The following DISP1 variants were observed in gnomAD, a reference collection of about 807,000 sequenced individuals.
The protein encoded by DISP1 is dispatched RND transporter family member 1.
In DISP1, 30 loss-of-function variants were observed where a neutral mutation model predicts 37.3. The ratio of observed to expected loss-of-function variants is 0.80; its 90% CI spans 0.60 to 1.09. The LOEUF is 1.09. DISP1 is among the 50% of genes least tolerant of loss of function. The pLI, the probability that DISP1 is intolerant of heterozygous loss-of-function variation, is 0.00. For synonymous variants in DISP1, 634 were observed against 690.2 expected, an observed-to-expected ratio of 0.92 and a Z score of 1.28; for missense variants, 1,598 against 1,879.5, an observed-to-expected ratio of 0.85 and a Z score of 2.77.
intron 1 of DISP1, among the ~76,000 whole-genome samples, chr1:222,843,621 G>C (rs1667732847): frequency 6.6e-6 from 1 of 151,974 alleles, no homozygotes; most frequent in African/African-American, 2.4e-5. Context: ...ACAAACATTT[G>C]ACTATTATTG....
At chr1:222,921,686 T>C (rs1672816790) in intron 1 of DISP1, among the ~76,000 whole-genome samples, 1 of 152,192 alleles carries the variant, frequency 6.6e-6, no homozygotes, top group African/African-American at 2.4e-5. Context: ...TACATTTCAA[T>C]ACTGTATTCT....
At chr1:222,825,342 CAT>C (rs1281840967) in intron 1 of DISP1, among the ~76,000 whole-genome samples, 2 of 151,974 alleles carry the variant, frequency 1.3e-5, no homozygotes, top group African/African-American at 4.8e-5. Context: ...TATATGAAAA[CAT>C]GTTGTATACC....
At chr1:222,988,236 A>G (rs1198991345) in intron 4 of DISP1, among the ~76,000 whole-genome samples, 1 of 152,242 alleles carries the variant, frequency 6.6e-6, no homozygotes, top group African/African-American at 2.4e-5. Flanking sequence ...GCATAGAGAA[A>G]TTAACTATAA....
chr1:222,920,516 C>G (rs1473809834), intron 1 of DISP1, among the ~76,000 whole-genome samples: 2 of 152,100 alleles, frequency 1.3e-5, no homozygotes, highest in Non-Finnish European at 2.9e-5. Context: ...GCCTTCTGTC[C>G]TCTAAAACAT....
At chr1:222,846,058 T>G (rs1344473099) in intron 1 of DISP1, among the ~76,000 whole-genome samples, 6 of 152,212 alleles carry the variant, frequency 3.9e-5, no homozygotes, top group Non-Finnish European at 7.3e-5. Flanking sequence ...TTCTAGAAAT[T>G]TTATAGTTTT....
Position 223,004,269 on chromosome 1 carries a change from GC to G in DISP1, c.2876del (p.Pro959LeufsTer40). 5.0e-6 allele frequency: 8 copies of G among 1,614,054 alleles called. No homozygotes were observed. The highest frequency in any genetic ancestry group is 6.8e-6 in the Non-Finnish European group (8 of 1,179,990). On this transcript the variant is annotated frameshift_variant, in exon 9 of 9. Transcript: ENST00000675850. LOFTEE classifies it low-confidence loss of function (END_TRUNC). This position sits in a 1 kb window ranked among gnomAD's most constrained non-coding sequence, Gnocchi z 4.9. ...GTGGATATCCAGTGAGCTGAGTTCG[GC>G]CCCTGAAGGCCTCAGCAATGGTTGG... ...DSWISSELSSAPEGLSNGWFV... is the reference protein window; with the variant it reads ...DSWISSELSSXPEGLSNGWFV...
chr1:222,943,862 C>A (rs549766163), intron 3 of DISP1, among the ~76,000 whole-genome samples: 122 of 152,208 alleles, frequency 8.0e-4, no homozygotes, highest in South Asian at 1.7e-3. Context: ...AACCCCGTCT[C>A]TACTAAAAAT....
At chr1:222,988,821 T>G (rs1375220596) in intron 4 of DISP1, among the ~76,000 whole-genome samples, 1 of 152,136 alleles carries the variant, frequency 6.6e-6, no homozygotes, top group Non-Finnish European at 1.5e-5. Flanking sequence ...GCCCAGTTAA[T>G]TTTTGCATTT....
intron 3 of DISP1, among the ~76,000 whole-genome samples, chr1:222,960,502 C>A (rs1270213036): frequency 6.6e-6 from 1 of 152,080 alleles, no homozygotes; most frequent in Non-Finnish European, 1.5e-5. Context: ...GCACTAAATG[C>A]CCACATCAGA....
intron 4 of DISP1, 134 bp from the exon 5 acceptor site, chr1:222,990,491 G>A: frequency 7.9e-7 from 1 of 1,264,818 alleles, no homozygotes; most frequent in Non-Finnish European, 1.2e-6. Context: ...CCTGTATGTA[G>A]TCTACAATAT....
chr1:222,936,488 G>A (rs1673730558), intron 2 of DISP1, among the ~76,000 whole-genome samples: 1 of 147,620 alleles, frequency 6.8e-6, no homozygotes, highest in South Asian at 2.1e-4. Context: ...TATGAACTCT[G>A]ATGACACTTT....
chr1:222,983,001 A>T, intron 3 of DISP1, 79 bp from the exon 4 acceptor site: 1 of 1,081,674 alleles, frequency 9.2e-7, no homozygotes, highest in Non-Finnish European at 1.4e-6. Context: ...TTCAACACAT[A>T]TGTAAAGCCT....
Position 222,895,243 on chromosome 1 carries a change from G to C in DISP1, c.-158-33187G>C, listed in dbSNP as rs77405960. ...GAGCCTAAGGAGATACTGTCCAGTT[G>C]AATGCTCAGCTGAAGTTATCAGGGA... On this transcript the variant is annotated intron_variant, in intron 1 of 8. Transcript: ENST00000675850. Among the ~76,000 whole-genome samples, 700 of 152,316 alleles carry C rather than the reference G, an allele frequency of 4.6e-3. 5 individuals carry two copies. Among genetic ancestry groups the C allele is most frequent in the South Asian group, 0.021 (102 of 4,824 alleles).
At chr1:222,914,002 GTTTT>G (rs34776955) in intron 1 of DISP1, among the ~76,000 whole-genome samples, 1 of 128,728 alleles carries the variant, frequency 7.8e-6, no homozygotes, top group Non-Finnish European at 1.7e-5. Context: ...TTTTTTGGTT[GTTTT>G]TTTTTTTTTT....
chr1:222,866,342 T>TTGC (rs1395046521), intron 1 of DISP1, among the ~76,000 whole-genome samples: 1 of 151,698 alleles, frequency 6.6e-6, no homozygotes, highest in Non-Finnish European at 1.5e-5. Context: ...GTTGTTGTTG[T>TTGC]TGTTGTTGTT....
chr1:222,845,026 C>T (rs922898727), intron 1 of DISP1, among the ~76,000 whole-genome samples: 4 of 152,096 alleles, frequency 2.6e-5, no homozygotes, highest in African/African-American at 9.7e-5. Context: ...CTCTATATTT[C>T]AGGAAAATTG....
At chr1:222,856,097 A>G (rs1474632892) in intron 1 of DISP1, among the ~76,000 whole-genome samples, 1 of 152,218 alleles carries the variant, frequency 6.6e-6, no homozygotes, top group Non-Finnish European at 1.5e-5. Flanking sequence ...TTCAAATGGA[A>G]AAATTGAGAA....
chr1:222,995,286 T>C (rs1444232464), intron 8 of DISP1, among the ~76,000 whole-genome samples: 2 of 152,258 alleles, frequency 1.3e-5, no homozygotes, highest in Non-Finnish European at 2.9e-5. Context: ...AAGACTGTTT[T>C]TCTTCTTTTG....
intron 6 of DISP1, 96 bp from the exon 7 acceptor site, chr1:222,991,917 C>G: frequency 1.0e-6 from 1 of 969,964 alleles, no homozygotes; most frequent in Non-Finnish European, 1.6e-6. Context: ...AAGGACTAAG[C>G]AGGTCATGGC....
Sources: allele counts gnomAD v4.1 joint callset (sites outside exome capture counted in the v4.1 genomes callset), GRCh38; gene constraint gnomAD v4.1.1; non-coding constraint Gnocchi (gnomAD v3.1); transcripts MANE v1.5; gene names NCBI Gene and HGNC (gene_info 2026-07-23, HGNC 2026-07-21).